The following KCNT2 variants were observed in gnomAD, a reference collection of about 807,000 sequenced individuals.
KCNT2 encodes potassium sodium-activated channel subfamily T member 2, also known as potassium channel subfamily T member 2.
A neutral mutation model predicts 153.8 loss-of-function variants in KCNT2; 67 were observed. The ratio of observed to expected loss-of-function variants is 0.44; its 90% confidence interval spans 0.36 to 0.53. The LOEUF (loss-of-function observed/expected upper bound fraction) is 0.53. KCNT2 is among the 20% of genes least tolerant of loss of function. The probability of loss-of-function intolerance (pLI) is 0.00; values close to 1 mark genes in which losing one functional copy is unlikely to be tolerated. For missense variants in KCNT2, 975 were observed against 1,354.8 expected (o/e 0.72, Z 4.40); for synonymous variants, 500 against 458.8 (o/e 1.09, Z -1.15).
chr1:196,362,567 C>A (rs7522690), intron 14 of KCNT2, among the ~76,000 whole-genome samples: 16,130 of 152,064 alleles, frequency 0.11, 1,224 homozygotes, highest in African/African-American at 0.22. Flanking sequence ...ATTGCTTTAC[C>A]TGACATTTGC....
chr1:196,519,506 G>C (rs1466759103), intron 1 of KCNT2, among the ~76,000 whole-genome samples: 1 of 151,130 alleles, frequency 6.6e-6, no homozygotes, highest in Non-Finnish European at 1.5e-5. Context: ...TGAATCTGGG[G>C]GTTAATTTTT....
At chr1:196,265,722 C>T (rs1283940220) in intron 25 of KCNT2, among the ~76,000 whole-genome samples, 1 of 152,108 alleles carries the variant, frequency 6.6e-6, no homozygotes, top group Non-Finnish European at 1.5e-5. Flanking sequence ...CATGTGTCCA[C>T]CCCAAAAAAT....
At chr1:196,280,754 CT>C in intron 25 of KCNT2, 105 bp downstream of exon 25, 1 of 1,125,106 alleles carries the variant, frequency 8.9e-7, no homozygotes, top group Non-Finnish European at 1.3e-6. Flanking sequence ...AGGTAGCATT[CT>C]TTTTCACTTT....
intron 22 of KCNT2, among the ~76,000 whole-genome samples, chr1:196,295,891 T>A (rs1407009458): frequency 6.6e-6 from 1 of 151,950 alleles, no homozygotes; most frequent in Admixed American, 6.6e-5. Flanking sequence ...TTGTGTAAGT[T>A]TTATGACATG....
intron 1 of KCNT2, among the ~76,000 whole-genome samples, chr1:196,546,816 C>G (rs1657160109): frequency 6.6e-6 from 1 of 151,934 alleles, no homozygotes; most frequent in Non-Finnish European, 1.5e-5. Flanking sequence ...ATCAAGAAAA[C>G]TTGAATCATC....
chr1:196,586,454 T>G (rs1370699946), intron 1 of KCNT2, among the ~76,000 whole-genome samples: 1 of 152,086 alleles, frequency 6.6e-6, no homozygotes, highest in African/African-American at 2.4e-5. Context: ...TGGGGAAAAT[T>G]TGTTTGACAC....
chr1:196,417,928 G>T (rs1355834980), intron 12 of KCNT2, among the ~76,000 whole-genome samples: 1 of 152,096 alleles, frequency 6.6e-6, no homozygotes, highest in East Asian at 1.9e-4. Flanking sequence ...CCTATGGGAC[G>T]ACCATTGTAT....
Position 196,465,173 on chromosome 1 carries a change from G to T in KCNT2, c.638+120C>A, listed in dbSNP as rs944949214. The stretch of plus-strand genomic sequence containing the variant: ...CTGTAGGCGATCTGTTACATTTTTT[G>T]GTGAATATTTGTTTATTTATTTATT... On this transcript the variant is annotated intron_variant, in intron 8 of 27. Transcript: ENST00000294725. The T allele has an allele frequency of 1.3e-5, 8 of 597,340 alleles. No individual in the cohort carries two copies. In the African/African-American group the frequency reaches 1.5e-4, roughly 11 times the overall value. 37.0% of individuals were successfully genotyped at this position (597,340 alleles called of 1,614,324 possible). A position where few individuals can be genotyped will look rare whatever the true frequency, so the allele number is the denominator to read the frequency against.
intron 14 of KCNT2, among the ~76,000 whole-genome samples, chr1:196,348,687 T>A (rs1666348228): frequency 6.6e-6 from 1 of 152,064 alleles, no homozygotes; most frequent in African/African-American, 2.4e-5. Context: ...CATTATATTT[T>A]AAAAAACCAA....
At chr1:196,349,760 C>T (rs938467093) in intron 14 of KCNT2, among the ~76,000 whole-genome samples, 1 of 151,242 alleles carries the variant, frequency 6.6e-6, no homozygotes, top group Non-Finnish European at 1.5e-5. Flanking sequence ...ACAATGTGCA[C>T]GTTAGTTACA....
At chr1:196,273,519 C>G (rs576344609) in intron 25 of KCNT2, 1 of 1,512,526 alleles carries the variant, frequency 6.6e-7, no homozygotes, top group South Asian at 1.2e-5. Context: ...AAGAAACACA[C>G]AAAACACAGT....
At chr1:196,309,533 CT>C (rs998067463) in intron 21 of KCNT2, among the ~76,000 whole-genome samples, 1 of 151,828 alleles carries the variant, frequency 6.6e-6, no homozygotes, top group African/African-American at 2.4e-5. Flanking sequence ...ATAAATGAAC[CT>C]ACAACATTTA....
chr1:196,482,489 A>T (rs1394934511), intron 3 of KCNT2, 110 bp from the exon 4 acceptor site: 1 of 519,538 alleles, frequency 1.9e-6, no homozygotes. Flanking sequence ...AAAAAGACAA[A>T]ATATCAAAAT....
At chr1:196,471,772 G>T (rs184349968) in intron 5 of KCNT2, among the ~76,000 whole-genome samples, 2 of 152,116 alleles carry the variant, frequency 1.3e-5, no homozygotes, top group Non-Finnish European at 2.9e-5. Context: ...AGCCTTTTAT[G>T]ATTTTTATTT....
intron 26 of KCNT2, among the ~76,000 whole-genome samples, chr1:196,252,169 C>A (rs1041261253): frequency 2.0e-5 from 3 of 151,750 alleles, no homozygotes; most frequent in Admixed American, 2.0e-4. Flanking sequence ...TTTAATCATT[C>A]CATTTTATTT....
At chr1:196,546,573 A>G (rs1657131845) in intron 1 of KCNT2, among the ~76,000 whole-genome samples, 1 of 152,046 alleles carries the variant, frequency 6.6e-6, no homozygotes, top group Non-Finnish European at 1.5e-5. Context: ...TAAACAGAAG[A>G]TTAGTGTTAA....
Position 196,285,517 on chromosome 1 carries a change from T to C in KCNT2, c.2697+140A>G, listed in dbSNP as rs1388495033. On this transcript the variant is annotated intron_variant, in intron 23 of 27. Coordinates refer to ENST00000294725, the MANE Select transcript of KCNT2 (RefSeq NM_198503.5). ...AGGAGCATTTATGTCATTAAGTACATGAAATAAAATACTGAATTACTTTTG... is the reference window on the plus strand; with the variant it reads ...AGGAGCATTTATGTCATTAAGTACACGAAATAAAATACTGAATTACTTTTG... 50 of 552,178 alleles carry C rather than the reference T, an allele frequency of 9.1e-5. No homozygotes were observed. In the Admixed American group the frequency reaches 1.7e-3, roughly 19 times the overall value. The allele number at this position is 552,178 out of a possible 1,614,324, so 34.2% of individuals were successfully genotyped here.
chr1:196,374,880 A>G (rs562091943), intron 13 of KCNT2, among the ~76,000 whole-genome samples: 3 of 151,956 alleles, frequency 2.0e-5, no homozygotes, highest in African/African-American at 7.2e-5. Context: ...TACATTTATT[A>G]CCACATAGAA....
Position 196,428,221 on chromosome 1 carries a change from T to C in KCNT2, c.868A>G (p.Asn290Asp), listed in dbSNP as rs764039268. The C allele has an allele frequency of 1.2e-6, 2 of 1,612,816 alleles. No homozygotes were observed. Among genetic ancestry groups the C allele is most frequent in the Non-Finnish European group, 1.7e-6 (2 of 1,179,110 alleles). Residue 290 changes from asparagine (N) to aspartate (D), a missense_variant, in exon 10 of 28, where the codon AAC becomes GAC. Asn to Asp is a conservative substitution (Grantham distance 23). Around this residue, in one of 6 missense-constraint regions of KCNT2, gnomAD observed 202 missense variants for 314.9 expected, o/e 0.64. Transcript: ENST00000294725. ...LWMERQKSGG[N>D]YSRHRAQTEK... ...GTTTGAGCTCTATGTCGACTATAGT[T>C]TCCTCCTGACTTTTGTCTCTCCATC...
Sources: gnomAD v4.1 joint callset for allele counts (sites outside exome capture counted in the v4.1 genomes callset) on GRCh38, gnomAD v4.1.1 for gene constraint, gnomAD v4.1.1 regional missense constraint, MANE v1.5 for transcripts, NCBI Gene and HGNC (gene_info 2026-07-23, HGNC 2026-07-21) for gene names.